NCOR2: variants seen among roughly 807,000 people sequenced by gnomAD.
The protein encoded by NCOR2 is nuclear receptor corepressor 2.
NCOR2 carries 81 observed loss-of-function variants against 262.9 expected under a neutral mutation model. The observed-to-expected ratio is 0.31, with a 90% confidence interval of 0.26 to 0.37. The LOEUF (loss-of-function observed/expected upper bound fraction) is 0.37, where lower values mean the gene tolerates loss of function less well. Among genes scored for constraint, NCOR2 ranks in the 10% least tolerant of loss-of-function variants. The pLI is 1.00. For missense variants in NCOR2, 3,385 were observed against 3,621.4 expected, an observed-to-expected ratio of 0.93 and a Z score of 1.68; for synonymous variants, 1,659 against 1,559.3, an observed-to-expected ratio of 1.06 and a Z score of -1.51.
Position 124,476,270 on chromosome 12 carries a change from C to T in NCOR2, c.412-3139G>A, listed in dbSNP as rs1043832458. Among the ~76,000 whole-genome samples, 9 of 152,218 alleles carry T rather than the reference C, an allele frequency of 5.9e-5. No individual in the cohort carries two copies. The South Asian group carries it at 8.3e-4, about 14-fold the overall frequency. ...CACGCCACCGCCCAGGCCCTCACTGCGGTCCACCTTGGGTGCTTGGCTGGT... is the reference window on the plus strand; with the variant it reads ...CACGCCACCGCCCAGGCCCTCACTGTGGTCCACCTTGGGTGCTTGGCTGGT... On this transcript the variant is annotated intron_variant, in intron 3 of 46. Transcript: ENST00000405201.
intron 17 of NCOR2, among the ~76,000 whole-genome samples, chr12:124,380,429 G>A (rs1042004094): frequency 6.6e-5 from 10 of 152,202 alleles, no homozygotes; most frequent in Non-Finnish European, 1.3e-4. Context: ...CCACAGCCCT[G>A]CCCCTGCCAG....
intron 41 of NCOR2, among the ~76,000 whole-genome samples, chr12:124,333,856 ATGTGTGTG>A (rs56104621): frequency 8.3e-6 from 1 of 121,202 alleles, no homozygotes; most frequent in African/African-American, 2.7e-5. Flanking sequence ...GCGGGTGTGC[ATGTGTGTG>A]TGCGCATGTG....
chr12:124,447,103 T>TG (rs1175501691), intron 7 of NCOR2, among the ~76,000 whole-genome samples: 3 of 152,150 alleles, frequency 2.0e-5, no homozygotes, highest in African/African-American at 7.2e-5. Context: ...TTAGTAGAGA[T>TG]GGGGTTTCAC....
At chr12:124,519,567 C>T (rs925017026) in intron 1 of NCOR2, among the ~76,000 whole-genome samples, 2 of 152,030 alleles carry the variant, frequency 1.3e-5, no homozygotes, top group African/African-American at 4.8e-5. Flanking sequence ...AGGGGCGAGG[C>T]GGGGAGAGTT....
intron 7 of NCOR2, among the ~76,000 whole-genome samples, chr12:124,445,664 T>C (rs1447767724): frequency 6.6e-6 from 1 of 152,156 alleles, no homozygotes; most frequent in African/African-American, 2.4e-5. Flanking sequence ...TGACCCCGGC[T>C]GGATCATCTC....
Position 124,481,268 on chromosome 12 carries a change from G to T in NCOR2, c.411+2328C>A, listed in dbSNP as rs1012233327. On this transcript the variant is annotated intron_variant, in intron 3 of 46. Transcript: ENST00000405201. The surrounding 1 kb of genome is among the most constrained non-coding windows in gnomAD (Gnocchi z 4.6). ...CAGGGATGCTGGCTGGGGTACCCGA[G>T]GGGGCAGTGCCCGAGAGGAACTGGC... is the stretch of plus-strand genomic sequence containing the variant. 1.3e-5 allele frequency among the ~76,000 whole-genome samples: 2 copies of T among 152,116 alleles called. No homozygotes were observed. Among genetic ancestry groups the T allele is most frequent in the African/African-American group, 4.8e-5 (2 of 41,416 alleles).
At chr12:124,520,184 C>T (rs973677725) in intron 1 of NCOR2, among the ~76,000 whole-genome samples, 1 of 152,278 alleles carries the variant, frequency 6.6e-6, no homozygotes, top group East Asian at 1.9e-4. Flanking sequence ...GTAGACCTGC[C>T]CCAAAGCCAA....
In NCOR2 at chr12:124,454,235, GA is replaced by G. The variant is rs979328521; in HGVS notation, c.762+2870del. Among the ~76,000 whole-genome samples, 3 of 152,144 alleles carry G rather than the reference GA, an allele frequency of 2.0e-5. No individual in the cohort carries two copies. The highest frequency in any genetic ancestry group is 7.2e-5 in the African/African-American group (3 of 41,432). ...CACTCCTCTCACTGAGCCTCATCCA[GA>G]AAATGGGACGGCAACAGCTCTGTGA... On this transcript the variant is annotated intron_variant, in intron 6 of 46. Coordinates refer to ENST00000405201, the Ensembl canonical transcript of NCOR2. This position sits in a 1 kb window ranked among gnomAD's most constrained non-coding sequence, Gnocchi z 5.6.
At chr12:124,365,306 C>A (rs1212507256) in intron 20 of NCOR2, among the ~76,000 whole-genome samples, 1 of 152,348 alleles carries the variant, frequency 6.6e-6, no homozygotes, top group Admixed American at 6.5e-5. Context: ...ACGTCCTATG[C>A]AGACTATAAG....
intron 1 of NCOR2, among the ~76,000 whole-genome samples, chr12:124,550,454 AT>A (rs1189869771): frequency 1.3e-5 from 2 of 151,906 alleles, no homozygotes. Flanking sequence ...GGGCTCCACA[AT>A]CTGTATATCT....
At chr12:124,405,887 T>TG (rs1291091185) in intron 13 of NCOR2, among the ~76,000 whole-genome samples, 1 of 152,110 alleles carries the variant, frequency 6.6e-6, no homozygotes, top group Non-Finnish European at 1.5e-5. Flanking sequence ...CTGCACCTGC[T>TG]GGGCTTCCCG....
At chr12:124,402,365 C>G (rs747075032) in intron 14 of NCOR2, 39 bp downstream of exon 16, 7 of 1,609,872 alleles carry the variant, frequency 4.3e-6, no homozygotes, top group Non-Finnish European at 5.1e-6. Flanking sequence ...CGGGTTGGGT[C>G]AGCGGCCGGG....
rs1182709617 is a variant in NCOR2 at position 124,332,469 on chromosome 12, T to C, written c.6756-2A>G. On this transcript the variant is annotated splice_acceptor_variant, in intron 42 of 46. Transcript: ENST00000405201. LOFTEE classifies it high-confidence loss of function. ...CCTGGAGACTTGGAGCCCATCCTGC[T>C]GTGAGGATCAAACACCTCACATCAG... 2 of 1,614,060 alleles carry C rather than the reference T, an allele frequency of 1.2e-6. No homozygotes were observed. Among genetic ancestry groups the C allele is most frequent in the African/African-American group, 1.3e-5 (1 of 74,926 alleles).
At chr12:124,362,141 G>A (rs778546006) in exon 22 of NCOR2, 4 of 1,301,618 alleles carry the variant, frequency 3.1e-6, no homozygotes, top group Middle Eastern at 2.9e-4. Context: ...TTGTCGGCGG[G>A]GGGTGCCGGG....
rs572116044 is a variant in NCOR2, at chr12:124,506,950, G to A, written c.-117-11582C>T. On this transcript the variant is annotated intron_variant, in intron 1 of 46. Transcript: ENST00000404621. ...GCTCCTGGACAGCACCTGGAGAGGCGGTGGGACCTGGGGTTTCTAAAGGAT... is the reference window on the plus strand; with the variant it reads ...GCTCCTGGACAGCACCTGGAGAGGCAGTGGGACCTGGGGTTTCTAAAGGAT... Among the ~76,000 whole-genome samples, 31 of 152,312 alleles carry A rather than the reference G, an allele frequency of 2.0e-4. No homozygotes were observed. In the Middle Eastern group the frequency reaches 0.01, roughly 50 times the overall value.
intron 1 of NCOR2, among the ~76,000 whole-genome samples, chr12:124,501,155 C>G (rs2048710527): frequency 6.6e-6 from 1 of 152,142 alleles, no homozygotes; most frequent in South Asian, 2.1e-4. Context: ...ACAAAGCCCC[C>G]CTGGGGTGGG....
chr12:124,367,746 C>T (rs1015382729), intron 20 of NCOR2, among the ~76,000 whole-genome samples: 18 of 152,206 alleles, frequency 1.2e-4, no homozygotes, highest in African/African-American at 4.3e-4. Flanking sequence ...GATCCTCCTG[C>T]CTCAGTCTCC....
chr12:124,370,380 A>G lies in NCOR2; in HGVS notation c.2807+1642T>C, dbSNP rs574202608. ...GAGATCCGGGTGAACCTCAGTTCCTAGGGAATGTCCTAGGACTTCCCCCTT... is the reference window on the plus strand; with the variant it reads ...GAGATCCGGGTGAACCTCAGTTCCTGGGGAATGTCCTAGGACTTCCCCCTT... On this transcript the variant is annotated intron_variant, in intron 20 of 46. Transcript: ENST00000405201. 2.0e-5 allele frequency among the ~76,000 whole-genome samples: 3 copies of G among 152,318 alleles called. No individual in the cohort carries two copies. In the East Asian group the frequency reaches 5.8e-4, roughly 29 times the overall value.
intron 7 of NCOR2, among the ~76,000 whole-genome samples, chr12:124,442,971 C>T (rs73423610): frequency 4.5e-4 from 68 of 152,332 alleles, no homozygotes; most frequent in Middle Eastern, 3.4e-3. Context: ...AGCCAAGGAA[C>T]GCCAAGGAGG....
Sources: allele counts gnomAD v4.1 joint callset (sites outside exome capture counted in the v4.1 genomes callset), GRCh38; gene constraint gnomAD v4.1.1; non-coding constraint Gnocchi (gnomAD v3.1); transcripts MANE v1.5; gene names NCBI Gene and HGNC (gene_info 2026-07-23, HGNC 2026-07-21).